SPPL3: variants seen among roughly 807,000 people sequenced by gnomAD.
SPPL3 encodes signal peptide peptidase-like 3.
A neutral mutation model predicts 42.4 loss-of-function variants in SPPL3; 5 were observed. The observed-to-expected ratio is 0.12, with a 90% confidence interval of 0.06 to 0.25. The LOEUF is 0.25. Among genes scored for constraint, SPPL3 ranks in the 10% least tolerant of loss-of-function variants. The probability of loss-of-function intolerance (pLI) is 1.00; values close to 1 mark genes in which losing one functional copy is unlikely to be tolerated. For missense variants in SPPL3, 235 were observed against 489.0 expected, an observed-to-expected ratio of 0.48 and a Z score of 4.90; for synonymous variants, 195 against 181.8, an observed-to-expected ratio of 1.07 and a Z score of -0.58.
chr12:120,830,607 A>AGAGAGAGAGAGAG (rs1555251066), intron 1 of SPPL3, among the ~76,000 whole-genome samples: 34 of 39,960 alleles, frequency 8.5e-4, no homozygotes, highest in East Asian at 4.0e-3. Flanking sequence ...GAGAGAGAGA[A>AGAGAGAGAGAGAG]GGTGTACATG....
intron 1 of SPPL3, among the ~76,000 whole-genome samples, chr12:120,827,049 G>A (rs911325776): frequency 9.9e-5 from 15 of 152,154 alleles, no homozygotes; most frequent in African/African-American, 3.4e-4. Flanking sequence ...AATGTTTTCA[G>A]AGGAAACTTG....
chr12:120,897,361 GT>G (rs1386195201), intron 1 of SPPL3, among the ~76,000 whole-genome samples: 1 of 152,174 alleles, frequency 6.6e-6, no homozygotes, highest in Non-Finnish European at 1.5e-5. Context: ...GCTAATTTTA[GT>G]TTAAATCACA....
chr12:120,772,657 T>C (rs1394083392), intron 6 of SPPL3, among the ~76,000 whole-genome samples: 4 of 152,204 alleles, frequency 2.6e-5, no homozygotes, highest in African/African-American at 9.7e-5. Context: ...TGTAATAAAG[T>C]GGATAAATAC....
At position 120,904,011 on chromosome 12, in the gene SPPL3, G is replaced by A. The variant is rs541223680; in HGVS notation, c.-144C>T. Reference sequence around the variant, plus strand: ...TGGCTCGCTGGCTGCACGGCGGGCCGGGAAGGCGGCTGGCGGGGAGAGGCC... The same window carrying A: ...TGGCTCGCTGGCTGCACGGCGGGCCAGGAAGGCGGCTGGCGGGGAGAGGCC... On this transcript the variant is annotated 5_prime_UTR_variant, in exon 1 of 11. Transcript: ENST00000353487. The A allele has an allele frequency of 3.7e-4, 245 of 655,676 alleles. 3 individuals are homozygous for A. The highest frequency in any genetic ancestry group is 4.6e-5 in the Admixed American group (1 of 21,702). 40.6% of individuals were successfully genotyped at this position (655,676 alleles called of 1,614,324 possible).
At chr12:120,827,155 T>C (rs1035828351) in intron 1 of SPPL3, among the ~76,000 whole-genome samples, 1 of 151,762 alleles carries the variant, frequency 6.6e-6, no homozygotes, top group Non-Finnish European at 1.5e-5. Flanking sequence ...TTCCTCTATA[T>C]AGGGGGGCCA....
chr12:120,890,257 T>A (rs1263021204), intron 1 of SPPL3, among the ~76,000 whole-genome samples: 1 of 149,792 alleles, frequency 6.7e-6, no homozygotes, highest in Non-Finnish European at 1.5e-5. Flanking sequence ...CCCAAAAAAA[T>A]AAAATAAAAA....
At chr12:120,790,831 T>G (rs1869890351) in intron 3 of SPPL3, among the ~76,000 whole-genome samples, 1 of 151,946 alleles carries the variant, frequency 6.6e-6, no homozygotes, top group Non-Finnish European at 1.5e-5. Flanking sequence ...TGGCACTTTT[T>G]TTTTTTTTGA....
intron 1 of SPPL3, among the ~76,000 whole-genome samples, chr12:120,859,226 C>T (rs1173321776): frequency 6.6e-6 from 1 of 152,170 alleles, no homozygotes; most frequent in East Asian, 1.9e-4. Flanking sequence ...TGGTTGAACA[C>T]TGCAAATCCA....
At chr12:120,892,953 G>C (rs765710800) in intron 1 of SPPL3, among the ~76,000 whole-genome samples, 16 of 136,996 alleles carry the variant, frequency 1.2e-4, no homozygotes, top group Non-Finnish European at 2.1e-4. Flanking sequence ...CTGCACTCCA[G>C]CCTGGGTGAC....
chr12:120,772,348 A>G (rs1869155264), intron 6 of SPPL3, among the ~76,000 whole-genome samples: 1 of 152,134 alleles, frequency 6.6e-6, no homozygotes, highest in Admixed American at 6.5e-5. Context: ...GTGATGTGCC[A>G]TAGAACGTTG....
intron 1 of SPPL3, among the ~76,000 whole-genome samples, chr12:120,898,198 G>A (rs1873868527): frequency 6.6e-6 from 1 of 150,980 alleles, no homozygotes; most frequent in Non-Finnish European, 1.5e-5. Flanking sequence ...CATCTACTCA[G>A]GAGACTGAGA....
intron 6 of SPPL3, among the ~76,000 whole-genome samples, chr12:120,780,520 G>A (rs977007201): frequency 6.6e-5 from 10 of 151,054 alleles, no homozygotes; most frequent in South Asian, 4.2e-4. Flanking sequence ...AGGCCGAGGC[G>A]GGAGGATCGC....
At chr12:120,798,060 A>G (rs1424052334) in intron 2 of SPPL3, among the ~76,000 whole-genome samples, 2 of 152,148 alleles carry the variant, frequency 1.3e-5, no homozygotes, top group Admixed American at 1.3e-4. Flanking sequence ...CTGGCCAACG[A>G]ACTGTTTAGC....
At chr12:120,785,067 GAGA>G (rs1169134007) in intron 3 of SPPL3, among the ~76,000 whole-genome samples, 1 of 152,146 alleles carries the variant, frequency 6.6e-6, no homozygotes, top group African/African-American at 2.4e-5. Context: ...GCTGATGGGG[GAGA>G]AGGAGGACAA....
chr12:120,786,760 C>T (rs771692471), intron 3 of SPPL3, among the ~76,000 whole-genome samples: 69 of 151,906 alleles, frequency 4.5e-4, no homozygotes, highest in Non-Finnish European at 7.4e-4. Context: ...TCCATGACTT[C>T]AGTACTCCAT....
At chr12:120,775,244 A>AG (rs1869274315) in intron 6 of SPPL3, among the ~76,000 whole-genome samples, 1 of 152,080 alleles carries the variant, frequency 6.6e-6, no homozygotes, top group African/African-American at 2.4e-5. Flanking sequence ...CCTGCCTTCC[A>AG]GGTTCAAGTG....
At chr12:120,876,800 G>A (rs975627411) in intron 1 of SPPL3, among the ~76,000 whole-genome samples, 20 of 83,364 alleles carry the variant, frequency 2.4e-4, no homozygotes, top group African/African-American at 8.6e-4. Context: ...TCTACCTTGA[G>A]AAACACATAC....
At chr12:120,899,151 T>C (rs1414987361) in intron 1 of SPPL3, among the ~76,000 whole-genome samples, 5 of 152,252 alleles carry the variant, frequency 3.3e-5, no homozygotes, top group African/African-American at 9.6e-5. Context: ...AAAAAGGCTA[T>C]AAGGAGAATC....
chr12:120,803,248 C>G (rs935609045), intron 2 of SPPL3, among the ~76,000 whole-genome samples: 3 of 152,146 alleles, frequency 2.0e-5, no homozygotes, highest in African/African-American at 7.2e-5. Flanking sequence ...TTTTTTGGCT[C>G]TATTTTGTCT....
Sources: allele counts gnomAD v4.1 joint callset (sites outside exome capture counted in the v4.1 genomes callset), GRCh38; gene constraint gnomAD v4.1.1; transcripts MANE v1.5; gene names NCBI Gene and HGNC (gene_info 2026-07-23, HGNC 2026-07-21).